Variants in HLTF observed in about 807,000 individuals in gnomAD.
HLTF encodes DNA-dependent ATPase/E3 ubiquitin-protein ligase HLTF.
In HLTF, 127 loss-of-function variants were observed where a neutral mutation model predicts 129.4. That is an observed-to-expected ratio of 0.98 (90% CI 0.85 to 1.14). HLTF has a LOEUF of 1.14. Ranked by LOEUF, HLTF falls within the 50% of genes most tolerant of loss-of-function variation. HLTF has a pLI of 0.00. For synonymous variants in HLTF, 332 were observed against 388.8 expected (o/e 0.85, Z 1.72); for missense variants, 1,139 against 1,187.1 (o/e 0.96, Z 0.60).
rs113356030 is a variant in HLTF, at chr3:149,072,988, G to A, written c.627+237C>T. On this transcript the variant is annotated intron_variant, in intron 5 of 24. Coordinates refer to ENST00000310053, the MANE Select transcript of HLTF (RefSeq NM_003071.4). ...AAATATGCCGTGCATAAACAGGAACGTGTGTGTTTTGTATGTTGGGTACAA... is the reference window on the plus strand; with the variant it reads ...AAATATGCCGTGCATAAACAGGAACATGTGTGTTTTGTATGTTGGGTACAA... 3.6e-4 allele frequency among the ~76,000 whole-genome samples: 54 copies of A among 152,092 alleles called. 1 individual carries two copies. Among genetic ancestry groups the A allele is most frequent in the African/African-American group, 1.1e-3 (44 of 41,494 alleles).
At chr3:149,084,638 G>C (rs780930735) in intron 2 of HLTF, 44 bp downstream of exon 2, 1 of 1,368,062 alleles carries the variant, frequency 7.3e-7, no homozygotes, top group Non-Finnish European at 1.0e-6. Flanking sequence ...CTAGGTTAAC[G>C]CCAGAAATAT....
At chr3:149,079,004 G>A (rs1322321880) in intron 2 of HLTF, among the ~76,000 whole-genome samples, 1 of 152,080 alleles carries the variant, frequency 6.6e-6, no homozygotes, top group Admixed American at 6.5e-5. Context: ...ATTCACCAGA[G>A]AGACTCAACA....
chr3:149,082,886 CAAGTGT>C (rs1403933371), intron 2 of HLTF, among the ~76,000 whole-genome samples: 1 of 151,734 alleles, frequency 6.6e-6, no homozygotes, highest in Admixed American at 6.6e-5. Context: ...CTCACAGAAA[CAAGTGT>C]AGAAGATAAG....
Position 149,050,215 on chromosome 3 carries a change from G to T in HLTF, c.1617+17C>A. The stretch of plus-strand genomic sequence containing the variant: ...ATTCAATCTTTAAAAGATCTGTTAA[G>T]TATCAACAATACTTACTCCATAGTC... On this transcript the variant is annotated intron_variant, in intron 15 of 24. Coordinates refer to ENST00000310053, the MANE Select transcript of HLTF (RefSeq NM_003071.4). The T allele has an allele frequency of 6.8e-7, 1 of 1,472,602 alleles. No individual in the cohort carries two copies. The highest frequency in any genetic ancestry group is 9.3e-7 in the Non-Finnish European group (1 of 1,072,028). 91.2% of individuals were successfully genotyped at this position (1,472,602 alleles called of 1,614,324 possible).
Position 149,059,729 on chromosome 3 carries a change from A to G in HLTF, c.1364T>C (p.Met455Thr), listed in dbSNP as rs201128683. Residue 455 changes from methionine to threonine, a missense_variant, in exon 13 of 25, where the codon ATG becomes ACG. Physicochemically the swap from Met to Thr is moderately conservative, Grantham distance 81. Coordinates refer to ENST00000310053, the MANE Select transcript of HLTF (RefSeq NM_003071.4). ...TSSVPTTKKK[M>T]LKKGACAVEG... ...GGATATTTACTGACCCTTTTTCAACATTTTCTTTTTTGTTGTAGGAACAGA... is the reference window on the plus strand; with the variant it reads ...GGATATTTACTGACCCTTTTTCAACGTTTTCTTTTTTGTTGTAGGAACAGA... 3 of 1,589,502 alleles carry G rather than the reference A, an allele frequency of 1.9e-6. No homozygotes were observed. Among genetic ancestry groups the G allele is most frequent in the Middle Eastern group, 1.7e-4 (1 of 6,006 alleles).
intron 8 of HLTF, among the ~76,000 whole-genome samples, chr3:149,065,177 G>T (rs1436657582): frequency 1.3e-5 from 2 of 151,938 alleles, no homozygotes; most frequent in Non-Finnish European, 2.9e-5. Flanking sequence ...TCAAGAACTG[G>T]GATTTACTTT....
intron 2 of HLTF, among the ~76,000 whole-genome samples, chr3:149,081,033 A>G (rs986302258): frequency 6.6e-6 from 1 of 152,130 alleles, no homozygotes; most frequent in Non-Finnish European, 1.5e-5. Flanking sequence ...TTCATGTTAT[A>G]TATGCTTAAA....
At chr3:149,077,488 A>G (rs1026981930) in intron 2 of HLTF, among the ~76,000 whole-genome samples, 52 of 152,108 alleles carry the variant, frequency 3.4e-4, no homozygotes, top group African/African-American at 1.1e-3. Context: ...CCTTGGGCGG[A>G]TGTTTGTCAA....
At chr3:149,060,001 G>A (rs142806707) in intron 12 of HLTF, among the ~76,000 whole-genome samples, 194 bp from the exon 13 acceptor site, 1 of 152,028 alleles carries the variant, frequency 6.6e-6, no homozygotes, top group Non-Finnish European at 1.5e-5. Flanking sequence ...TCAGAGAAAC[G>A]ATGTAGTCAT....
intron 1 of HLTF, 43 bp from the exon 2 acceptor site, chr3:149,084,932 G>T: frequency 7.0e-7 from 1 of 1,423,192 alleles, no homozygotes; most frequent in Non-Finnish European, 9.8e-7. Context: ...TAATATTTAA[G>T]TATTTCCAAA....
intron 8 of HLTF, 103 bp from the exon 9 acceptor site, chr3:149,064,969 T>G (rs945374384): frequency 8.6e-6 from 5 of 584,766 alleles, no homozygotes; most frequent in Non-Finnish European, 1.5e-5. Context: ...TAAAAACGAC[T>G]TAAATTGCTA....
Position 149,071,287 on chromosome 3 carries a change from C to T in HLTF, c.859G>A (p.Val287Ile). 2 of 1,600,070 alleles carry T rather than the reference C, an allele frequency of 1.2e-6. No homozygotes were observed. Among genetic ancestry groups the T allele is most frequent in the South Asian group, 1.1e-5 (1 of 87,890 alleles). ...TCATCAGCTAAAATTCCTCCATGGA[C>T]ATTTTCTGGTCGGTCCTTCTCAGAA... ...NFSEKDRPEN[V>I]HGGILADDMG... The change falls in exon 7 of 25, where the codon GTC becomes ATC. Residue 287 changes from valine to isoleucine, a missense_variant. Physicochemically the swap from Val to Ile is conservative, Grantham distance 29 (BLOSUM62 3). Coordinates refer to ENST00000310053, the MANE Select transcript of HLTF (RefSeq NM_003071.4).
At chr3:149,074,532 G>T (rs1368813394) in intron 3 of HLTF, among the ~76,000 whole-genome samples, 184 bp from the exon 4 acceptor site, 1 of 152,152 alleles carries the variant, frequency 6.6e-6, no homozygotes, top group Non-Finnish European at 1.5e-5. Flanking sequence ...AATCAGAAGG[G>T]TGATTTTTAG....
chr3:149,074,617 ATTG>A (rs1401628015), intron 3 of HLTF, among the ~76,000 whole-genome samples: 1 of 152,186 alleles, frequency 6.6e-6, no homozygotes, highest in Non-Finnish European at 1.5e-5. Context: ...TGTAAACAAG[ATTG>A]TAATATAAGT....
chr3:149,046,323 A>G, intron 17 of HLTF, 64 bp from the exon 18 acceptor site: 1 of 854,310 alleles, frequency 1.2e-6, no homozygotes, highest in Non-Finnish European at 1.7e-6. Flanking sequence ...TCCAAGAAGA[A>G]CGAAACAGAA....
At chr3:149,049,242 GCAC>G (rs1716795062) in intron 15 of HLTF, among the ~76,000 whole-genome samples, 1 of 152,134 alleles carries the variant, frequency 6.6e-6, no homozygotes, top group South Asian at 2.1e-4. Flanking sequence ...GTTACCCAAA[GCAC>G]CACAGGTGGC....
chr3:149,077,867 G>C (rs1428825811), intron 2 of HLTF, among the ~76,000 whole-genome samples: 2 of 152,082 alleles, frequency 1.3e-5, no homozygotes, highest in Non-Finnish European at 2.9e-5. Context: ...CGATTTATTA[G>C]TTCCAGCACA....
Position 149,071,449 on chromosome 3 carries a change from A to C in HLTF, c.703-6T>G, listed in dbSNP as rs367764908. Reference sequence around the variant, plus strand: ...AGCAGTGGTGTTTCAATAGCCTATAAATAAAAAGTCATAAAGCGAAATACA... The same window carrying C: ...AGCAGTGGTGTTTCAATAGCCTATACATAAAAAGTCATAAAGCGAAATACA... On this transcript the variant is annotated splice_polypyrimidine_tract_variant and splice_region_variant and intron_variant, in intron 6 of 24. Transcript: ENST00000310053. 40 of 1,607,226 alleles carry C rather than the reference A, an allele frequency of 2.5e-5. No homozygotes were observed. The highest frequency in any genetic ancestry group is 3.3e-5 in the Non-Finnish European group (39 of 1,176,542).
At chr3:149,082,628 A>G (rs1322919080) in intron 2 of HLTF, among the ~76,000 whole-genome samples, 1 of 152,262 alleles carries the variant, frequency 6.6e-6, no homozygotes, top group Non-Finnish European at 1.5e-5. Context: ...CACTAGGATC[A>G]TACATTTAAA....
Sources: gnomAD v4.1 joint callset for allele counts (sites outside exome capture counted in the v4.1 genomes callset) on GRCh38, gnomAD v4.1.1 for gene constraint, MANE v1.5 for transcripts, NCBI Gene and HGNC (gene_info 2026-07-23, HGNC 2026-07-21) for gene names.